The following PCDH9 variants were observed in gnomAD, a reference collection of about 807,000 sequenced individuals.
PCDH9 encodes the protein protocadherin 9.
A neutral mutation model predicts 70.6 loss-of-function variants in PCDH9; 24 were observed. That is an observed-to-expected ratio of 0.34 (90% CI 0.25 to 0.48). The LOEUF (loss-of-function observed/expected upper bound fraction) is 0.48. Among genes scored for constraint, PCDH9 ranks in the 20% least tolerant of loss-of-function variants. The probability of loss-of-function intolerance (pLI) is 0.99; values close to 1 mark genes in which losing one functional copy is unlikely to be tolerated. For missense variants in PCDH9, 1,281 were observed against 1,503.6 expected (o/e 0.85, Z 2.45); for synonymous variants, 562 against 558.5 (o/e 1.01, Z -0.09).
rs530843377 is a variant in PCDH9, at chr13:66,979,791, T to C, written c.3037-76186A>G. On this transcript the variant is annotated intron_variant, in intron 2 of 4. Coordinates refer to ENST00000377865, the MANE Select transcript of PCDH9 (RefSeq NM_203487.3). ...ATCACAAACACTTTTCTGTGCTCAT[T>C]TTATAAGATTTGACTATGTTGTACT... Among the ~76,000 whole-genome samples, 6 of 152,252 alleles carry C rather than the reference T, an allele frequency of 3.9e-5. No homozygotes were observed. The South Asian group carries it at 1.2e-3, about 32-fold the overall frequency.
chr13:66,723,721 G>T (rs779916696), intron 3 of PCDH9, among the ~76,000 whole-genome samples: 1 of 152,158 alleles, frequency 6.6e-6, no homozygotes, highest in Non-Finnish European at 1.5e-5. Flanking sequence ...AGAAGCAAAA[G>T]AGAAGGGGTA....
At chr13:67,031,607 T>C (rs545193584) in intron 2 of PCDH9, among the ~76,000 whole-genome samples, 18 of 152,260 alleles carry the variant, frequency 1.2e-4, no homozygotes, top group Admixed American at 4.6e-4. Flanking sequence ...TGCTTGAACC[T>C]GGGAGATGGA....
chr13:67,038,633 C>G (rs2085053309), intron 2 of PCDH9, among the ~76,000 whole-genome samples: 1 of 152,160 alleles, frequency 6.6e-6, no homozygotes. Flanking sequence ...AAATCTAATA[C>G]TCAAAAACAC....
At chr13:66,986,805 A>G (rs1169507824) in intron 2 of PCDH9, among the ~76,000 whole-genome samples, 2 of 152,122 alleles carry the variant, frequency 1.3e-5, no homozygotes, top group East Asian at 1.9e-4. Context: ...TTCATTTTCA[A>G]TAATTTTTAA....
chr13:66,602,999 T>C (rs2077181274), intron 4 of PCDH9, among the ~76,000 whole-genome samples: 1 of 145,902 alleles, frequency 6.9e-6, no homozygotes, highest in Non-Finnish European at 1.5e-5. Flanking sequence ...ACTAGGAGTG[T>C]GTAGGCGATA....
chr13:66,549,960 A>T (rs1339006733), intron 4 of PCDH9, among the ~76,000 whole-genome samples: 1 of 152,184 alleles, frequency 6.6e-6, no homozygotes, highest in Non-Finnish European at 1.5e-5. Context: ...AATAGAAAAC[A>T]AACTTGTATC....
chr13:66,599,810 C>G (rs2077144825), intron 4 of PCDH9, among the ~76,000 whole-genome samples: 1 of 151,716 alleles, frequency 6.6e-6, no homozygotes, highest in Non-Finnish European at 1.5e-5. Context: ...ACTATATCTA[C>G]TAGAGGAAAG....
At chr13:66,737,621 G>A (rs994960861) in intron 3 of PCDH9, among the ~76,000 whole-genome samples, 10 of 152,200 alleles carry the variant, frequency 6.6e-5, no homozygotes, top group African/African-American at 1.7e-4. Context: ...GACAGTGGGC[G>A]CAGGCCAGTG....
chr13:66,764,114 A>C (rs1397998569), intron 3 of PCDH9, among the ~76,000 whole-genome samples: 2 of 151,930 alleles, frequency 1.3e-5, no homozygotes, highest in Non-Finnish European at 2.9e-5. Flanking sequence ...AATCTCTTCA[A>C]AAGTTAAAAT....
At chr13:67,166,344 T>C (rs977562708) in intron 2 of PCDH9, among the ~76,000 whole-genome samples, 11 of 152,198 alleles carry the variant, frequency 7.2e-5, no homozygotes, top group African/African-American at 2.7e-4. Context: ...AGGCATCTAA[T>C]AGATAACTAT....
intron 4 of PCDH9, among the ~76,000 whole-genome samples, chr13:66,568,095 T>C (rs2076678269): frequency 6.6e-6 from 1 of 152,080 alleles, no homozygotes; most frequent in Non-Finnish European, 1.5e-5. Context: ...TGTAAGAAAG[T>C]GATAAAAGTT....
At chr13:67,019,374 T>C (rs1034419873) in intron 2 of PCDH9, among the ~76,000 whole-genome samples, 6 of 151,578 alleles carry the variant, frequency 4.0e-5, no homozygotes, top group African/African-American at 1.5e-4. Context: ...TTTTTGTGTA[T>C]TTAGTAGAGA....
At chr13:66,599,674 A>G (rs2138841047) in intron 4 of PCDH9, among the ~76,000 whole-genome samples, 1 of 151,806 alleles carries the variant, frequency 6.6e-6, no homozygotes, top group South Asian at 2.1e-4. Flanking sequence ...TTTGATTAGT[A>G]CAGTGTATCC....
chr13:66,889,504 T>C (rs1373815243), intron 3 of PCDH9, among the ~76,000 whole-genome samples: 2 of 152,166 alleles, frequency 1.3e-5, no homozygotes, highest in Admixed American at 1.3e-4. Flanking sequence ...AATGAGCTTT[T>C]TGTATTTTCA....
intron 2 of PCDH9, among the ~76,000 whole-genome samples, chr13:67,140,449 A>AAT (rs2087353734): frequency 6.6e-6 from 1 of 152,196 alleles, no homozygotes; most frequent in African/African-American, 2.4e-5. Context: ...AGAGAATGAT[A>AAT]ATGACAAGTA....
At chr13:67,198,694 G>A (rs942098435) in intron 2 of PCDH9, among the ~76,000 whole-genome samples, 1 of 151,828 alleles carries the variant, frequency 6.6e-6, no homozygotes, top group African/African-American at 2.4e-5. Flanking sequence ...GTATTTTAAT[G>A]TGATACAAAA....
intron 2 of PCDH9, among the ~76,000 whole-genome samples, chr13:67,022,247 C>T (rs534772562): frequency 6.7e-6 from 1 of 148,440 alleles, no homozygotes; most frequent in East Asian, 2.1e-4. Flanking sequence ...CTCAGCCTCC[C>T]GAGTAGCTGC....
intron 2 of PCDH9, among the ~76,000 whole-genome samples, chr13:67,157,278 C>T (rs1167297946): frequency 1.3e-5 from 2 of 152,078 alleles, no homozygotes; most frequent in South Asian, 2.1e-4. Context: ...TTATCACTAT[C>T]GGGATTTATG....
rs144632339 is a variant in PCDH9, at chr13:66,558,536, T to C, written c.3340+72674A>G. On this transcript the variant is annotated intron_variant, in intron 4 of 4. Transcript: ENST00000377865. ...CACAAGGGGTGAGTTAAAGAGTTGC[T>C]GAGGAAGAAAAGACCTCCAAAACAC... 3.3e-5 allele frequency among the ~76,000 whole-genome samples: 5 copies of C among 152,140 alleles called. No individual in the cohort carries two copies. In the East Asian group the frequency reaches 9.7e-4, roughly 30 times the overall value.
Sources: allele counts gnomAD v4.1 joint callset (sites outside exome capture counted in the v4.1 genomes callset), GRCh38; gene constraint gnomAD v4.1.1; transcripts MANE v1.5; gene names NCBI Gene and HGNC (gene_info 2026-07-23, HGNC 2026-07-21).